Variants in LRCH1 observed in about 807,000 individuals in gnomAD.
LRCH1 encodes leucine rich repeats and calponin homology domain containing 1.
In LRCH1, 23 loss-of-function variants were observed where a neutral mutation model predicts 94.9. The observed-to-expected ratio is 0.24, with a 90% CI of 0.17 to 0.34. LRCH1 has a LOEUF of 0.34. LRCH1 is among the 10% of genes least tolerant of loss of function. LRCH1 has a pLI of 1.00. For synonymous variants in LRCH1, 364 were observed against 354.9 expected (o/e 1.03, Z -0.29); for missense variants, 790 against 945.9 (o/e 0.84, Z 2.16).
chr13:46,740,048 A>G (rs956520616), intron 19 of LRCH1, among the ~76,000 whole-genome samples: 5 of 152,226 alleles, frequency 3.3e-5, no homozygotes, highest in African/African-American at 1.2e-4. Context: ...TGAAAATCAC[A>G]TTTCAGTTTG....
intron 1 of LRCH1, among the ~76,000 whole-genome samples, chr13:46,614,311 A>G (rs2050781450): frequency 6.6e-6 from 1 of 152,174 alleles, no homozygotes; most frequent in Non-Finnish European, 1.5e-5. Context: ...ATAGTGTGAC[A>G]GTTAGCCATC....
At chr13:46,644,699 A>G (rs4942567) in intron 1 of LRCH1, among the ~76,000 whole-genome samples, 99,430 of 151,984 alleles carry the variant, frequency 0.65, 32,794 homozygotes, top group East Asian at 0.85. Context: ...GCATAGGTGA[A>G]TTCTCACTAA....
At chr13:46,733,837 A>G in intron 18 of LRCH1, 84 bp from the exon 19 acceptor site, 1 of 764,116 alleles carries the variant, frequency 1.3e-6, no homozygotes, top group East Asian at 3.1e-5. Context: ...TGCTTGTGCC[A>G]TTTGGGAAGT....
intron 17 of LRCH1, among the ~76,000 whole-genome samples, chr13:46,727,070 T>A (rs1872858187): frequency 6.6e-6 from 1 of 152,166 alleles, no homozygotes; most frequent in Non-Finnish European, 1.5e-5. Context: ...TTGACAGATA[T>A]TTTTAAACCA....
At chr13:46,625,017 A>G (rs2050927928) in intron 1 of LRCH1, among the ~76,000 whole-genome samples, 1 of 152,220 alleles carries the variant, frequency 6.6e-6, no homozygotes, top group Admixed American at 6.5e-5. Flanking sequence ...CAGTCTATTC[A>G]GCCTTACTTC....
chr13:46,673,643 G>C (rs1365219693), intron 3 of LRCH1, among the ~76,000 whole-genome samples: 1 of 152,098 alleles, frequency 6.6e-6, no homozygotes, highest in Non-Finnish European at 1.5e-5. Context: ...CTTTAGCGCC[G>C]AGACAGTGTC....
intron 4 of LRCH1, among the ~76,000 whole-genome samples, chr13:46,684,006 C>T (rs1310302106): frequency 6.6e-6 from 1 of 152,138 alleles, no homozygotes; most frequent in Non-Finnish European, 1.5e-5. Flanking sequence ...TACCCCTCCT[C>T]GTATGCTTTC....
chr13:46,728,806 A>C, intron 17 of LRCH1, 41 bp from the exon 18 acceptor site: 1 of 1,557,900 alleles, frequency 6.4e-7, no homozygotes, highest in South Asian at 1.2e-5. Context: ...CAGTTACCTC[A>C]GTGTTCATAT....
intron 1 of LRCH1, among the ~76,000 whole-genome samples, chr13:46,625,341 C>G (rs778672016): frequency 6.6e-6 from 1 of 152,234 alleles, no homozygotes; most frequent in South Asian, 2.1e-4. Context: ...TGTGTCCCCC[C>G]ACCCCAACTC....
At chr13:46,584,528 G>A (rs1385367904) in intron 1 of LRCH1, among the ~76,000 whole-genome samples, 2 of 152,156 alleles carry the variant, frequency 1.3e-5, no homozygotes, top group Non-Finnish European at 2.9e-5. Context: ...CCTGAGTCTG[G>A]GTTGCATAGC....
intron 1 of LRCH1, among the ~76,000 whole-genome samples, chr13:46,600,207 A>G (rs1197867084): frequency 6.6e-6 from 1 of 152,196 alleles, no homozygotes; most frequent in African/African-American, 2.4e-5. Flanking sequence ...ACATAGTAAC[A>G]TAAACATTTT....
chr13:46,650,026 CAAGGAAATAGAAA>C (rs921666945), intron 1 of LRCH1, among the ~76,000 whole-genome samples, 162 bp from the exon 2 acceptor site: 1 of 151,108 alleles, frequency 6.6e-6, no homozygotes, highest in African/African-American at 2.4e-5. Context: ...CAGAATTTGG[CAAGGAAATAGAAA>C]AAGGAAATAG....
At chr13:46,702,793 G>C (rs1871549307) in intron 11 of LRCH1, among the ~76,000 whole-genome samples, 2 of 152,220 alleles carry the variant, frequency 1.3e-5, no homozygotes, top group African/African-American at 4.8e-5. Flanking sequence ...CTCCATCCTA[G>C]TGTGCTTCAG....
At chr13:46,569,633 C>T (rs2050220704) in intron 1 of LRCH1, among the ~76,000 whole-genome samples, 1 of 152,100 alleles carries the variant, frequency 6.6e-6, no homozygotes, top group African/African-American at 2.4e-5. Context: ...CACCGAGGCT[C>T]AGCTGCCTAG....
intron 1 of LRCH1, among the ~76,000 whole-genome samples, chr13:46,646,225 T>C (rs1035099453): frequency 1.3e-5 from 2 of 152,268 alleles, no homozygotes; most frequent in African/African-American, 2.4e-5. Flanking sequence ...AATGAAATTC[T>C]TCGTGTAGAG....
At chr13:46,610,495 T>A (rs931691860) in intron 1 of LRCH1, among the ~76,000 whole-genome samples, 1 of 152,094 alleles carries the variant, frequency 6.6e-6, no homozygotes, top group African/African-American at 2.4e-5. Context: ...TTCCTTTTTT[T>A]TTTTTTAATT....
chr13:46,740,719 G>T (rs947946454), intron 19 of LRCH1, among the ~76,000 whole-genome samples: 8 of 152,146 alleles, frequency 5.3e-5, no homozygotes, highest in Non-Finnish European at 1.2e-4. Flanking sequence ...TATAATTCCT[G>T]TTAATTTTAA....
At chr13:46,751,516 G>A (rs531637983) in exon 19 of LRCH1, 1 of 149,982 alleles carries the variant, frequency 6.7e-6, no homozygotes, top group South Asian at 2.1e-4. Context: ...GTAAATAGCT[G>A]TGATGGAAAA....
chr13:46,632,062 G>A (rs900211460), intron 1 of LRCH1, among the ~76,000 whole-genome samples: 4 of 152,080 alleles, frequency 2.6e-5, no homozygotes, highest in Non-Finnish European at 5.9e-5. Flanking sequence ...AGTTAACTCC[G>A]TATAGTGGTG....
Sources: gnomAD v4.1 joint callset for allele counts (sites outside exome capture counted in the v4.1 genomes callset) on GRCh38, gnomAD v4.1.1 for gene constraint, MANE v1.5 for transcripts, NCBI Gene and HGNC (gene_info 2026-07-23, HGNC 2026-07-21) for gene names.